Variants in CPD observed in about 807,000 individuals in gnomAD.
The protein encoded by CPD is metallocarboxypeptidase D.
CPD carries 69 observed loss-of-function variants against 138.3 expected under a neutral mutation model. The ratio of observed to expected loss-of-function variants is 0.50; its 90% CI spans 0.41 to 0.61. The LOEUF (loss-of-function observed/expected upper bound fraction) is 0.61, where lower values mean the gene tolerates loss of function less well. CPD is among the 20% of genes least tolerant of loss of function. CPD has a pLI of 0.00. For missense variants in CPD, 1,432 were observed against 1,733.3 expected (o/e 0.83, Z 3.09); for synonymous variants, 651 against 642.1 (o/e 1.01, Z -0.21).
In CPD at chr17:30,445,753, C is replaced by G. The variant is rs1482172272; in HGVS notation, c.2606C>G (p.Thr869Arg). The change falls in exon 12 of 21, where the codon ACA becomes AGA. Residue 869 changes from threonine to arginine, a missense_variant. Thr to Arg is a moderately conservative substitution (Grantham distance 71). Around this residue, in one of 6 missense-constraint regions of CPD, gnomAD observed 124 missense variants for 117.0 expected, o/e 1.06. Coordinates refer to ENST00000225719, the MANE Select transcript of CPD (RefSeq NM_001304.5). ...GAAGGCGCTATTCAGGTCAACTTCA[C>G]ACTTGTTCGATCCTCAACAGATTCA... ...KSEGAIQVNF[T>R]LVRSSTDSNN... 1.9e-6 allele frequency: 3 copies of G among 1,613,760 alleles called. No individual in the cohort carries two copies. The highest frequency in any genetic ancestry group is 2.5e-6 in the Non-Finnish European group (3 of 1,179,906).
chr17:30,458,853 G>A (rs983494324), intron 17 of CPD, among the ~76,000 whole-genome samples: 23 of 139,406 alleles, frequency 1.6e-4, no homozygotes, highest in African/African-American at 4.7e-4. Flanking sequence ...GCAACAGAGT[G>A]AGACCCTGTC....
chr17:30,445,880 G>A lies in CPD; in HGVS notation c.2733G>A (p.Ala911=), dbSNP rs187666987. The A allele has an allele frequency of 9.9e-6, 16 of 1,614,104 alleles. No homozygotes were observed. Among genetic ancestry groups the A allele is most frequent in the African/African-American group, 1.3e-5 (1 of 75,038 alleles). Residue 911 remains alanine (A), a synonymous_variant, in exon 12 of 21, where the codon GCG becomes GCA. Transcript: ENST00000225719. ...EFETLIKDLS[A]ENGLESLMLR... The stretch of plus-strand genomic sequence containing the variant: ...AAACTTTAATTAAAGACCTTTCAGC[G>A]GAGAATGGTTTGGAAAGCCTCATGT...
intron 8 of CPD, among the ~76,000 whole-genome samples, chr17:30,435,651 A>G (rs1912679822): frequency 6.6e-6 from 1 of 152,308 alleles, no homozygotes; most frequent in South Asian, 2.1e-4. Context: ...CATTGGACAT[A>G]ATCCAGATTT....
rs774938585 is a variant in CPD, at chr17:30,464,592, T to C, written c.3921T>C (p.Ala1307=). ...PRELVVTVSG[A]TMSALILTAC... is the part of the protein sequence containing the mutation. The stretch of plus-strand genomic sequence containing the variant: ...ATGATGGTTTTTGTTTGTCAGGTGC[T>C]ACTATGTCGGCATTGATCCTAACAG... The change falls in exon 21 of 21, where the codon GCT becomes GCC. Residue 1307 remains alanine (A), a synonymous_variant. Coordinates refer to ENST00000225719, the MANE Select transcript of CPD (RefSeq NM_001304.5). The C allele has an allele frequency of 4.3e-6, 7 of 1,613,336 alleles. No homozygotes were observed. The East Asian group carries it at 1.1e-4, about 26-fold the overall frequency.
chr17:30,450,004 C>T lies in CPD; in HGVS notation c.3069+256C>T, dbSNP rs967934082. ...CTAAAAATTTACATTCAATTTCCTA[C>T]TCCGTCATTTAATAGCCACACTACC... On this transcript the variant is annotated intron_variant, in intron 13 of 20. Coordinates refer to ENST00000225719, the MANE Select transcript of CPD (RefSeq NM_001304.5). Among the ~76,000 whole-genome samples, 11 of 151,592 alleles carry T rather than the reference C, an allele frequency of 7.3e-5. 1 individual carries two copies. Among genetic ancestry groups the T allele is most frequent in the Admixed American group, 3.9e-4 (6 of 15,216 alleles).
At position 30,379,235 on chromosome 17, in the gene CPD, C is replaced by T. The variant is rs1424016094; in HGVS notation, c.255C>T (p.Ile85=). 32 of 1,522,582 alleles carry T rather than the reference C, an allele frequency of 2.1e-5. No individual in the cohort carries two copies. The highest frequency in any genetic ancestry group is 2.7e-5 in the Non-Finnish European group (31 of 1,140,746). 94.3% of individuals were successfully genotyped at this position (1,522,582 alleles called of 1,614,324 possible). A position where few individuals can be genotyped will look rare whatever the true frequency, so the allele number is the denominator to read the frequency against. Residue 85 remains isoleucine (I), a synonymous_variant, in exon 1 of 21, where the codon ATC becomes ATT. Coordinates refer to ENST00000225719, the MANE Select transcript of CPD (RefSeq NM_001304.5). This position sits in a 1 kb window ranked among gnomAD's most constrained non-coding sequence, Gnocchi z 7.0. ...GLPGLARLFS[I]GRSVEGRPLW... ...CCGGCCTGGCCCGCCTCTTTAGCATCGGCCGCTCGGTGGAAGGCCGGCCGC... is the reference window on the plus strand; with the variant it reads ...CCGGCCTGGCCCGCCTCTTTAGCATTGGCCGCTCGGTGGAAGGCCGGCCGC...
At chr17:30,418,094 CT>C (rs1475674954) in intron 2 of CPD, among the ~76,000 whole-genome samples, 1 of 152,182 alleles carries the variant, frequency 6.6e-6, no homozygotes, top group Non-Finnish European at 1.5e-5. Context: ...AAAAAACTGC[CT>C]CCCCAAGAAG....
chr17:30,458,865 CAAAA>C (rs60140816), intron 17 of CPD, among the ~76,000 whole-genome samples: 1 of 133,976 alleles, frequency 7.5e-6, no homozygotes. Flanking sequence ...GACCCTGTCT[CAAAA>C]AAAAAAAAAA....
chr17:30,382,879 T>A (rs1397831037), intron 1 of CPD, among the ~76,000 whole-genome samples: 2 of 152,222 alleles, frequency 1.3e-5, no homozygotes, highest in Admixed American at 6.5e-5. Context: ...TATCTATCCC[T>A]GGAATGTCCT....
chr17:30,447,505 C>T (rs938294377), intron 12 of CPD: 7 of 152,156 alleles, frequency 4.6e-5, no homozygotes, highest in African/African-American at 1.7e-4. Context: ...GATTGTAAAA[C>T]CCTTTCCATC....
intron 2 of CPD, among the ~76,000 whole-genome samples, chr17:30,395,196 C>CTTTT (rs35079822): frequency 1.0e-5 from 1 of 97,818 alleles, no homozygotes; most frequent in Non-Finnish European, 2.1e-5. Flanking sequence ...CAGATGGGTG[C>CTTTT]TTTTTTTTTT....
Position 30,443,785 on chromosome 17 carries a change from C to A in CPD, c.2374-17C>A. ...GATGTTTATTATTGAAATCTGGTGT[C>A]CTTGTACTTAATCCAGGTTCATCAG... On this transcript the variant is annotated splice_polypyrimidine_tract_variant and intron_variant, in intron 10 of 20. Coordinates refer to ENST00000225719, the MANE Select transcript of CPD (RefSeq NM_001304.5). 1 of 1,597,574 alleles carries A rather than the reference C, an allele frequency of 6.3e-7. No homozygotes were observed. The highest frequency in any genetic ancestry group is 8.6e-7 in the Non-Finnish European group (1 of 1,168,990).
At chr17:30,419,639 C>T (rs1020429645) in intron 2 of CPD, among the ~76,000 whole-genome samples, 24 of 152,194 alleles carry the variant, frequency 1.6e-4, no homozygotes, top group Non-Finnish European at 2.6e-4. Context: ...TTGCACCCAG[C>T]CTAAATCAGC....
intron 17 of CPD, among the ~76,000 whole-genome samples, chr17:30,460,162 G>A (rs1913431138): frequency 6.6e-6 from 1 of 152,156 alleles, no homozygotes; most frequent in Non-Finnish European, 1.5e-5. Flanking sequence ...GGGCTGCAGA[G>A]ATAGTGAAGC....
At position 30,461,874 on chromosome 17, in the gene CPD, CA is replaced by C. The variant is rs1913485107; in HGVS notation, c.3631-2del. Reference sequence around the variant, plus strand: ...TAAATTTATATTTTAAACATTTTTTCAGGTTCACAAGGGAGTTCATGGATTT... The same window carrying C: ...TAAATTTATATTTTAAACATTTTTTCGGTTCACAAGGGAGTTCATGGATTT... On this transcript the variant is annotated splice_acceptor_variant, in intron 18 of 20. Coordinates refer to ENST00000225719, the MANE Select transcript of CPD (RefSeq NM_001304.5). LOFTEE classifies it high-confidence loss of function. The C allele has an allele frequency of 6.3e-7, 1 of 1,578,428 alleles. No individual in the cohort carries two copies. Among genetic ancestry groups the C allele is most frequent in the Non-Finnish European group, 8.6e-7 (1 of 1,164,026 alleles).
chr17:30,418,355 G>A (rs1372894233), intron 2 of CPD, among the ~76,000 whole-genome samples: 1 of 151,710 alleles, frequency 6.6e-6, no homozygotes, highest in African/African-American at 2.4e-5. Flanking sequence ...TAATTTTTTT[G>A]TATTTTTTGT....
chr17:30,385,982 G>C (rs143073047), intron 2 of CPD, among the ~76,000 whole-genome samples: 117 of 151,874 alleles, frequency 7.7e-4, no homozygotes, highest in African/African-American at 2.7e-3. Context: ...TGGACAGCTT[G>C]GTTAACATGA....
intron 2 of CPD, among the ~76,000 whole-genome samples, chr17:30,402,163 GTTTA>G: frequency 6.6e-6 from 1 of 151,150 alleles, no homozygotes; most frequent in African/African-American, 2.4e-5. Context: ...AACCCATTCA[GTTTA>G]TTTTTTTAAT....
chr17:30,440,540 T>C (rs1464212751), intron 9 of CPD, among the ~76,000 whole-genome samples: 4 of 148,596 alleles, frequency 2.7e-5, no homozygotes, highest in Admixed American at 2.7e-4. Context: ...TTTATGGTTT[T>C]AGGTCTAACG....
Sources: allele counts gnomAD v4.1 joint callset (sites outside exome capture counted in the v4.1 genomes callset), GRCh38; gene constraint gnomAD v4.1.1; regional missense constraint gnomAD v4.1.1; non-coding constraint Gnocchi (gnomAD v3.1); transcripts MANE v1.5; gene names NCBI Gene and HGNC (gene_info 2026-07-23, HGNC 2026-07-21).